Variants in ROBO2 observed in about 807,000 individuals in gnomAD.
ROBO2 encodes roundabout guidance receptor 2, also known as roundabout homolog 2.
Under a neutral mutation model 160.8 loss-of-function variants are expected in ROBO2, and 53 were observed. The observed-to-expected ratio is 0.33, with a 90% CI of 0.26 to 0.41. The LOEUF is 0.41. Ranked by LOEUF, ROBO2 falls within the 10% of genes least tolerant of loss-of-function variation. The pLI is 1.00. For synonymous variants in ROBO2, 664 were observed against 611.7 expected (o/e 1.09, Z -1.26); for missense variants, 1,577 against 1,722.4 (o/e 0.92, Z 1.49).
chr3:76,060,995 A>T (rs1341080974), intron 2 of ROBO2, among the ~76,000 whole-genome samples: 5 of 152,178 alleles, frequency 3.3e-5, no homozygotes, highest in African/African-American at 4.8e-5. Context: ...CCCCAAGAAC[A>T]AGATTATTGC....
chr3:76,947,149 T>C (rs2078604604), intron 2 of ROBO2, among the ~76,000 whole-genome samples: 1 of 152,148 alleles, frequency 6.6e-6, no homozygotes, highest in African/African-American at 2.4e-5. Context: ...TAACTCGTTT[T>C]CCACAAATTA....
chr3:76,447,749 G>A (rs2077264414), intron 2 of ROBO2, among the ~76,000 whole-genome samples: 1 of 151,756 alleles, frequency 6.6e-6, no homozygotes, highest in South Asian at 2.1e-4. Flanking sequence ...GTAGGGACAT[G>A]GATGAAGCTG....
chr3:75,991,043 A>G (rs959008073), intron 2 of ROBO2, among the ~76,000 whole-genome samples: 3 of 152,280 alleles, frequency 2.0e-5, no homozygotes, highest in African/African-American at 7.2e-5. Context: ...TTGACCTTCA[A>G]ACTGAGCCTG....
chr3:76,683,057 C>T lies in ROBO2; in HGVS notation c.110-414957C>T, dbSNP rs993692666. On this transcript the variant is annotated intron_variant, in intron 2 of 26. Transcript: ENST00000487694. ...TGTGAGCCTTACAGAACCCCTACAT[C>T]GTCAGATAAATGATCTAAACAAATA... is the stretch of plus-strand genomic sequence containing the variant. 7.9e-5 allele frequency among the ~76,000 whole-genome samples: 12 copies of T among 152,136 alleles called. 1 individual carries two copies. The highest frequency in any genetic ancestry group is 6.8e-3 in the Middle Eastern group (2 of 294).
At chr3:77,343,970 T>C (rs973985151) in intron 2 of ROBO2, among the ~76,000 whole-genome samples, 1 of 152,158 alleles carries the variant, frequency 6.6e-6, no homozygotes, top group South Asian at 2.1e-4. Flanking sequence ...TGAGTCAGCA[T>C]AGAATGGAAA....
At chr3:76,900,648 T>C (rs1022234635) in intron 2 of ROBO2, among the ~76,000 whole-genome samples, 4 of 152,166 alleles carry the variant, frequency 2.6e-5, no homozygotes, top group Admixed American at 6.6e-5. Flanking sequence ...CTAGACGATA[T>C]GTAAAAACAT....
chr3:76,594,651 G>A (rs987962537), intron 2 of ROBO2, among the ~76,000 whole-genome samples: 9 of 151,792 alleles, frequency 5.9e-5, no homozygotes, highest in East Asian at 1.9e-4. Flanking sequence ...CCATTAGAAC[G>A]TAAACTAAAT....
At chr3:77,058,376 G>A (rs1314134882) in intron 1 of ROBO2, among the ~76,000 whole-genome samples, 1 of 152,032 alleles carries the variant, frequency 6.6e-6, no homozygotes, top group African/African-American at 2.4e-5. Flanking sequence ...ATATTATTGT[G>A]TGCCATCTGG....
intron 2 of ROBO2, among the ~76,000 whole-genome samples, chr3:77,174,961 A>G (rs2079995626): frequency 6.6e-6 from 1 of 152,076 alleles, no homozygotes; most frequent in Non-Finnish European, 1.5e-5. Flanking sequence ...CATAAATACT[A>G]CTTACTGTCA....
At chr3:77,143,962 A>G (rs1366255673) in intron 2 of ROBO2, among the ~76,000 whole-genome samples, 1 of 152,142 alleles carries the variant, frequency 6.6e-6, no homozygotes, top group African/African-American at 2.4e-5. Context: ...TACTTTCTCC[A>G]TGACACGTGC....
rs74525799 is a variant in ROBO2 at position 76,581,405 on chromosome 3, G to A, written c.110-516609G>A. ...GAGAAAGGAAGGTTTAGGGAAATAC[G>A]GAAGCAGCCTGAATGAAGGAGGGAA... On this transcript the variant is annotated intron_variant, in intron 2 of 26. Transcript: ENST00000487694. Among the ~76,000 whole-genome samples the A allele has an allele frequency of 8.7e-3, 1,324 of 152,096 alleles. 26 individuals are homozygous for A. Among genetic ancestry groups the A allele is most frequent in the African/African-American group, 0.03 (1,254 of 41,504 alleles).
intron 2 of ROBO2, among the ~76,000 whole-genome samples, chr3:77,033,503 G>C (rs760181985): frequency 2.0e-5 from 3 of 152,030 alleles, no homozygotes; most frequent in Non-Finnish European, 4.4e-5. Context: ...TAATGTGTTT[G>C]GTAAAGAAGG....
At chr3:76,545,531 C>G (rs928506304) in intron 2 of ROBO2, among the ~76,000 whole-genome samples, 2 of 151,936 alleles carry the variant, frequency 1.3e-5, no homozygotes, top group Non-Finnish European at 2.9e-5. Context: ...TGGATTCTGT[C>G]TTCAACAGCC....
At chr3:77,601,569 T>C (rs184383253) in intron 19 of ROBO2, among the ~76,000 whole-genome samples, 1 of 152,178 alleles carries the variant, frequency 6.6e-6, no homozygotes, top group Non-Finnish European at 1.5e-5. Context: ...ATAGCATAAA[T>C]TAAACTCACC....
intron 7 of ROBO2, among the ~76,000 whole-genome samples, chr3:77,547,574 T>C (rs1483361258): frequency 6.6e-6 from 1 of 152,120 alleles, no homozygotes; most frequent in African/African-American, 2.4e-5. Flanking sequence ...AGAAGTTCTG[T>C]GCAGCCATTA....
intron 1 of ROBO2, among the ~76,000 whole-genome samples, chr3:77,076,610 TCTTTA>T (rs1256394271): frequency 3.9e-5 from 6 of 152,280 alleles, no homozygotes; most frequent in Non-Finnish European, 7.4e-5. Context: ...TTATATGGAA[TCTTTA>T]CAAATGATTG....
intron 2 of ROBO2, among the ~76,000 whole-genome samples, chr3:76,435,825 A>G (rs540535113): frequency 2.0e-5 from 3 of 152,322 alleles, no homozygotes. Context: ...TTTTTTAACA[A>G]TGAGCATGAA....
chr3:77,466,250 G>T (rs953370007), intron 2 of ROBO2, among the ~76,000 whole-genome samples: 1 of 152,116 alleles, frequency 6.6e-6, no homozygotes, highest in Non-Finnish European at 1.5e-5. Context: ...ATCTAATTCA[G>T]CAAAATTCAT....
At chr3:76,024,509 G>C (rs2066672326) in intron 2 of ROBO2, among the ~76,000 whole-genome samples, 1 of 151,338 alleles carries the variant, frequency 6.6e-6, no homozygotes, top group Non-Finnish European at 1.5e-5. Flanking sequence ...GTTACCTGTG[G>C]TTTACCTGCT....
Sources: allele counts gnomAD v4.1 joint callset (sites outside exome capture counted in the v4.1 genomes callset), GRCh38; gene constraint gnomAD v4.1.1; transcripts MANE v1.5; gene names NCBI Gene and HGNC (gene_info 2026-07-23, HGNC 2026-07-21).